The following NXPE2 variants were observed in gnomAD, a reference collection of about 807,000 sequenced individuals.
NXPE2 encodes neurexophilin and PC-esterase domain family member 2.
Under a neutral mutation model 34.4 loss-of-function variants are expected in NXPE2, and 34 were observed. That is an observed-to-expected ratio of 0.99 (90% CI 0.75 to 1.31). The LOEUF is 1.31. Ranked by LOEUF, NXPE2 falls within the 40% of genes most tolerant of loss-of-function variation. The probability of loss-of-function intolerance (pLI) is 0.00; values close to 1 mark genes in which losing one functional copy is unlikely to be tolerated. For missense variants in NXPE2, 649 were observed against 672.5 expected, an observed-to-expected ratio of 0.97 and a Z score of 0.39; for synonymous variants, 235 against 231.3, an observed-to-expected ratio of 1.02 and a Z score of -0.15.
At chr11:114,521,854 G>A in the NXPE2 span, 3 of 820,702 alleles carry the variant, frequency 3.7e-6, no homozygotes, top group African/African-American at 5.2e-5. Context: ...TCCCCAAACA[G>A]ATTCTTTTAA....
At chr11:114,477,765 A>G in the NXPE2 span, among the ~76,000 whole-genome samples, 2 of 151,252 alleles carry the variant, frequency 1.3e-5, no homozygotes, top group Non-Finnish European at 3.0e-5. Context: ...AATATTGGGT[A>G]ACCCAATTCA....
the NXPE2 span, among the ~76,000 whole-genome samples, chr11:114,640,165 T>TATAA: frequency 1.7e-5 from 1 of 59,790 alleles, no homozygotes; most frequent in African/African-American, 8.5e-5. Context: ...TAATAATATA[T>TATAA]ATAAATAATT....
chr11:114,580,262 GTT>G, the NXPE2 span: 1 of 1,613,976 alleles, frequency 6.2e-7, no homozygotes, highest in Non-Finnish European at 8.5e-7. Flanking sequence ...GATTCCATGT[GTT>G]TCTCCAGACA....
chr11:114,581,821 T>G, the NXPE2 span: 3 of 1,470,128 alleles, frequency 2.0e-6, no homozygotes, highest in African/African-American at 1.4e-5. Flanking sequence ...AATCTGTAGG[T>G]GGCCTCAAAT....
chr11:114,622,311 T>G, the NXPE2 span, among the ~76,000 whole-genome samples: 1 of 151,968 alleles, frequency 6.6e-6, no homozygotes, highest in African/African-American at 2.4e-5. Context: ...TGTTGCCTCA[T>G]GGGGAACCAC....
At chr11:114,740,425 G>A in the NXPE2 span, among the ~76,000 whole-genome samples, 3 of 152,144 alleles carry the variant, frequency 2.0e-5, no homozygotes, top group South Asian at 2.1e-4. Flanking sequence ...CATGTTCTTC[G>A]ACATGCAAGT....
chr11:114,539,034 C>A, the NXPE2 span, among the ~76,000 whole-genome samples: 3 of 152,086 alleles, frequency 2.0e-5, no homozygotes, highest in African/African-American at 2.4e-5. Context: ...GGAACCAACC[C>A]AAATGTCCAA....
the NXPE2 span, among the ~76,000 whole-genome samples, chr11:114,805,869 T>G: frequency 1.3e-4 from 20 of 152,278 alleles, no homozygotes; most frequent in Non-Finnish European, 2.9e-4. Context: ...GCACGCAGCT[T>G]GAGATCTGAG....
the NXPE2 span, among the ~76,000 whole-genome samples, chr11:114,770,673 A>G: frequency 6.6e-6 from 1 of 152,254 alleles, no homozygotes; most frequent in Non-Finnish European, 1.5e-5. Context: ...GGCAAAAGAC[A>G]GTGCCTGCTT....
the NXPE2 span, chr11:114,594,539 G>C: frequency 1.3e-5 from 9 of 668,002 alleles, no homozygotes; most frequent in African/African-American, 1.5e-4. Flanking sequence ...TATGTTGTTT[G>C]GTATCTAGCT....
the NXPE2 span, among the ~76,000 whole-genome samples, chr11:114,750,413 G>A: frequency 6.6e-6 from 1 of 152,188 alleles, no homozygotes; most frequent in South Asian, 2.1e-4. Flanking sequence ...TTGCCTTTAG[G>A]TAATATAATT....
chr11:114,534,305 C>T, the NXPE2 span, among the ~76,000 whole-genome samples: 1 of 152,088 alleles, frequency 6.6e-6, no homozygotes. Flanking sequence ...CATCAAAGAC[C>T]AAAGGTAGAT....
the NXPE2 span, chr11:114,530,974 G>C: frequency 1.4e-6 from 2 of 1,422,906 alleles, no homozygotes; most frequent in Non-Finnish European, 1.9e-6. Flanking sequence ...CTTATTATGA[G>C]TTTGAATATT....
intron 2 of NXPE2, among the ~76,000 whole-genome samples, chr11:114,686,427 G>A (rs907004706): frequency 2.6e-5 from 4 of 152,090 alleles, no homozygotes; most frequent in Non-Finnish European, 4.4e-5. Context: ...CTGCATCCAT[G>A]TTGCTACAAA....
At chr11:114,675,455 A>G (rs188572738), upstream of NXPE2, among the ~76,000 whole-genome samples, 1 of 152,036 alleles carries the variant, frequency 6.6e-6, no homozygotes, top group East Asian at 1.9e-4. Context: ...AAATTCAGTA[A>G]AGTTGCAGGA....
chr11:114,794,735 T>C, the NXPE2 span, among the ~76,000 whole-genome samples: 1 of 152,172 alleles, frequency 6.6e-6, no homozygotes, highest in African/African-American at 2.4e-5. Context: ...TTCCCACTCA[T>C]GGGGAATCTT....
the NXPE2 span, among the ~76,000 whole-genome samples, chr11:114,742,259 G>A: frequency 6.6e-6 from 1 of 152,108 alleles, no homozygotes. Flanking sequence ...GAGTGCTCCT[G>A]GGCTAGTTGT....
At chr11:114,543,940 T>C in the NXPE2 span, among the ~76,000 whole-genome samples, 1 of 152,118 alleles carries the variant, frequency 6.6e-6, no homozygotes, top group African/African-American at 2.4e-5. Flanking sequence ...ATACTAGCAA[T>C]GAACAATTGG....
At chr11:114,783,385 GC>G in the NXPE2 span, among the ~76,000 whole-genome samples, 1 of 152,070 alleles carries the variant, frequency 6.6e-6, no homozygotes, top group African/African-American at 2.4e-5. Context: ...ACATGTATGA[GC>G]CCCAAATAGC....
Sources: allele counts gnomAD v4.1 joint callset (sites outside exome capture counted in the v4.1 genomes callset), GRCh38; gene constraint gnomAD v4.1.1; transcripts MANE v1.5; gene names NCBI Gene and HGNC (gene_info 2026-07-23, HGNC 2026-07-21).